SHQ1: variants seen among roughly 807,000 people sequenced by gnomAD.
SHQ1 encodes SHQ1, H/ACA ribonucleoprotein assembly factor.
In SHQ1, 49 loss-of-function variants were observed where a neutral mutation model predicts 53.8. That is an observed-to-expected ratio of 0.91 (90% CI 0.72 to 1.16). SHQ1 has a LOEUF of 1.16. Ranked by LOEUF, SHQ1 falls within the 50% of genes most tolerant of loss-of-function variation. The pLI, the probability that SHQ1 is intolerant of heterozygous loss-of-function variation, is 0.00. For synonymous variants in SHQ1, 243 were observed against 251.0 expected (o/e 0.97, Z 0.30); for missense variants, 738 against 683.1 (o/e 1.08, Z -0.90).
At chr3:72,787,704 T>G (rs892799707) in intron 10 of SHQ1, among the ~76,000 whole-genome samples, 1 of 152,038 alleles carries the variant, frequency 6.6e-6, no homozygotes, top group Non-Finnish European at 1.5e-5. Flanking sequence ...ATTGGGGCTC[T>G]CCCTCTCCCC....
intron 10 of SHQ1, among the ~76,000 whole-genome samples, chr3:72,765,557 A>ATATATATATATTTTTT (rs1491527508): frequency 2.6e-4 from 15 of 57,188 alleles, no homozygotes; most frequent in African/African-American, 1.2e-3. Flanking sequence ...ATATATATAT[A>ATATATATATATTTTTT]TTTTTTTTTT....
At chr3:72,842,486 T>A in intron 2 of SHQ1, 84 bp from the exon 3 acceptor site, 1 of 1,305,986 alleles carries the variant, frequency 7.7e-7, no homozygotes, top group South Asian at 1.4e-5. Flanking sequence ...CCCAATACTC[T>A]GGCAGTCTGA....
intron 5 of SHQ1, among the ~76,000 whole-genome samples, chr3:72,829,457 T>C (rs1247260858): frequency 1.3e-5 from 2 of 152,248 alleles, no homozygotes; most frequent in South Asian, 2.1e-4. Context: ...TTGGTATCTA[T>C]GACACTGCTT....
chr3:72,834,142 C>G (rs368422848), intron 4 of SHQ1, among the ~76,000 whole-genome samples: 32 of 152,298 alleles, frequency 2.1e-4, no homozygotes, highest in African/African-American at 7.5e-4. Context: ...TTCTCTCATC[C>G]CTATCACAAT....
chr3:72,726,413 C>T, the SHQ1 span, among the ~76,000 whole-genome samples: 1 of 152,086 alleles, frequency 6.6e-6, no homozygotes, highest in South Asian at 2.1e-4. Context: ...TCAGCAATGG[C>T]GTGATCTTGG....
the SHQ1 span, among the ~76,000 whole-genome samples, chr3:72,735,040 T>C: frequency 6.6e-6 from 1 of 151,618 alleles, no homozygotes; most frequent in Non-Finnish European, 1.5e-5. Flanking sequence ...TGTTTAAGTG[T>C]TGGTGTTCTA....
intron 10 of SHQ1, among the ~76,000 whole-genome samples, chr3:72,751,496 G>GTACACATATATATATATA (rs1372925082): frequency 2.6e-5 from 3 of 117,120 alleles, no homozygotes; most frequent in African/African-American, 4.3e-5. Flanking sequence ...GTGTGTGTGT[G>GTACACATATATATATATA]TGTGTGTGTG....
At chr3:72,844,463 T>C (rs1708270645) in intron 1 of SHQ1, 40 bp from the exon 2 acceptor site, 2 of 1,501,540 alleles carry the variant, frequency 1.3e-6, no homozygotes, top group Non-Finnish European at 9.3e-7. Context: ...CCTTAAATTA[T>C]AACGTAACAT....
intron 10 of SHQ1, among the ~76,000 whole-genome samples, chr3:72,751,502 G>A (rs1235247617): frequency 0.17 from 18,990 of 114,774 alleles, 2,065 homozygotes; most frequent in African/African-American, 0.22. Context: ...GTGTGTGTGT[G>A]TGTGTGTATA....
chr3:72,787,661 T>C (rs1430933247), intron 10 of SHQ1, among the ~76,000 whole-genome samples: 4 of 152,228 alleles, frequency 2.6e-5, no homozygotes, highest in Admixed American at 1.3e-4. Context: ...CAGAATGGTA[T>C]GTGCAGTATT....
At chr3:72,817,667 G>A (rs963887879) in intron 6 of SHQ1, among the ~76,000 whole-genome samples, 3 of 152,048 alleles carry the variant, frequency 2.0e-5, no homozygotes, top group African/African-American at 7.2e-5. Context: ...TACTTAAGAC[G>A]TCTGAATGCC....
At chr3:72,786,132 T>G (rs1706224960) in intron 10 of SHQ1, among the ~76,000 whole-genome samples, 1 of 152,194 alleles carries the variant, frequency 6.6e-6, no homozygotes, top group African/African-American at 2.4e-5. Flanking sequence ...TAAGTCTGTC[T>G]CACCTGCCTC....
At chr3:72,831,184 T>A (rs1707808834) in intron 5 of SHQ1, among the ~76,000 whole-genome samples, 1 of 152,216 alleles carries the variant, frequency 6.6e-6, no homozygotes, top group Admixed American at 6.5e-5. Flanking sequence ...AAATGTAACA[T>A]ACCCTGCTCT....
intron 10 of SHQ1, among the ~76,000 whole-genome samples, chr3:72,787,985 G>T (rs1022884526): frequency 6.6e-6 from 1 of 152,214 alleles, no homozygotes; most frequent in Non-Finnish European, 1.5e-5. Flanking sequence ...CGAGGTGCCG[G>T]GATTGCAGAC....
At chr3:72,737,196 T>C in the SHQ1 span, among the ~76,000 whole-genome samples, 2 of 152,012 alleles carry the variant, frequency 1.3e-5, no homozygotes, top group African/African-American at 2.4e-5. Flanking sequence ...GAGAATTGCT[T>C]GAACCCAGGA....
chr3:72,728,338 C>T, the SHQ1 span, among the ~76,000 whole-genome samples: 90 of 152,314 alleles, frequency 5.9e-4, no homozygotes, highest in Non-Finnish European at 1.1e-3. Context: ...CGAATTCCCA[C>T]ACCACGTACC....
chr3:72,812,180 G>A (rs187143971), intron 9 of SHQ1, among the ~76,000 whole-genome samples: 1 of 152,264 alleles, frequency 6.6e-6, no homozygotes, highest in African/African-American at 2.4e-5. Flanking sequence ...TTGACATGCC[G>A]AATCTAGGTT....
rs529027887 is a variant in SHQ1 at position 72,829,049 on chromosome 3, A to C, written c.599+3320T>G. 3.9e-3 allele frequency among the ~76,000 whole-genome samples: 598 copies of C among 152,302 alleles called. 4 individuals carry two copies. The highest frequency in any genetic ancestry group is 0.014 in the African/African-American group (578 of 41,542). On this transcript the variant is annotated intron_variant, in intron 5 of 10. Coordinates refer to ENST00000325599, the MANE Select transcript of SHQ1 (RefSeq NM_018130.3). ...GGGCCAGAAACTGATGAAGTGAAAA[A>C]AAAAAAAAATACTACAGAGAAAAAT... is the stretch of plus-strand genomic sequence containing the variant.
chr3:72,833,758 T>C (rs1047650747), intron 4 of SHQ1, among the ~76,000 whole-genome samples: 3 of 152,204 alleles, frequency 2.0e-5, no homozygotes, highest in African/African-American at 7.2e-5. Context: ...TAGGATGCCA[T>C]ATGGTCTTTA....
Sources: allele counts gnomAD v4.1 joint callset (sites outside exome capture counted in the v4.1 genomes callset), GRCh38; gene constraint gnomAD v4.1.1; transcripts MANE v1.5; gene names NCBI Gene and HGNC (gene_info 2026-07-23, HGNC 2026-07-21).